SAMD12: variants seen among roughly 807,000 people sequenced by gnomAD.
SAMD12 encodes the protein sterile alpha motif domain containing 12.
SAMD12 carries 9 observed loss-of-function variants against 15.0 expected under a neutral mutation model. The ratio of observed to expected loss-of-function variants is 0.60; its 90% CI spans 0.36 to 1.05. SAMD12 has a LOEUF of 1.05. Ranked by LOEUF, SAMD12 falls within the 50% of genes least tolerant of loss-of-function variation. The pLI, the probability that SAMD12 is intolerant of heterozygous loss-of-function variation, is 0.01. For synonymous variants in SAMD12, 86 were observed against 90.1 expected (o/e 0.96, Z 0.25); for missense variants, 230 against 234.2 (o/e 0.98, Z 0.12).
At chr8:118,567,446 C>T (rs1826881892) in intron 2 of SAMD12, among the ~76,000 whole-genome samples, 1 of 152,162 alleles carries the variant, frequency 6.6e-6, no homozygotes, top group Non-Finnish European at 1.5e-5. Context: ...CCTTCCTCAT[C>T]TATTCAGTAC....
At chr8:118,485,799 T>A (rs950250586) in intron 2 of SAMD12, among the ~76,000 whole-genome samples, 6 of 152,226 alleles carry the variant, frequency 3.9e-5, no homozygotes, top group Non-Finnish European at 8.8e-5. Context: ...TCAATATTGG[T>A]ATGGCAAATC....
chr8:118,579,690 T>C (rs991069695), intron 2 of SAMD12, among the ~76,000 whole-genome samples: 6 of 152,172 alleles, frequency 3.9e-5, no homozygotes, highest in African/African-American at 1.4e-4. Flanking sequence ...TTAAGATTTT[T>C]CTTAGGTGCT....
intron 1 of SAMD12, among the ~76,000 whole-genome samples, chr8:118,604,636 T>A (rs917180900): frequency 2.0e-5 from 3 of 152,084 alleles, no homozygotes; most frequent in African/African-American, 4.8e-5. Flanking sequence ...AGGAATAAAA[T>A]GTCTGCCGGG....
chr8:118,438,811 C>CTA (rs1822650150), intron 3 of SAMD12, among the ~76,000 whole-genome samples: 1 of 152,110 alleles, frequency 6.6e-6, no homozygotes, highest in Non-Finnish European at 1.5e-5. Flanking sequence ...TGACAAGTCA[C>CTA]TTTACCACCA....
chr8:118,473,433 T>A (rs540347489), intron 2 of SAMD12, among the ~76,000 whole-genome samples: 1 of 152,338 alleles, frequency 6.6e-6, no homozygotes, highest in East Asian at 1.9e-4. Flanking sequence ...CAGTCCCTGA[T>A]CCTGTAGTCC....
At chr8:118,543,748 C>G (rs988277662) in intron 2 of SAMD12, among the ~76,000 whole-genome samples, 3 of 151,226 alleles carry the variant, frequency 2.0e-5, no homozygotes, top group Admixed American at 6.6e-5. Flanking sequence ...TTAGATACCC[C>G]TGTCCTTCAC....
At chr8:118,396,665 A>G (rs1167807641) in intron 3 of SAMD12, among the ~76,000 whole-genome samples, 3 of 152,252 alleles carry the variant, frequency 2.0e-5, no homozygotes, top group Non-Finnish European at 2.9e-5. Context: ...AGTAATTGTC[A>G]GAGCAAAGAC....
intron 2 of SAMD12, among the ~76,000 whole-genome samples, chr8:118,556,749 A>G (rs1055505478): frequency 4.6e-5 from 7 of 151,798 alleles, no homozygotes; most frequent in Non-Finnish European, 8.8e-5. Context: ...CGAATCACAA[A>G]TTCAGGAGTT....
chr8:118,553,716 A>G (rs543826437), intron 2 of SAMD12, among the ~76,000 whole-genome samples: 267 of 151,792 alleles, frequency 1.8e-3, no homozygotes, highest in Non-Finnish European at 3.1e-3. Flanking sequence ...TCTGCACAGC[A>G]AAAGAAACTG....
chr8:118,200,460 A>T (rs1819685017), intron 4 of SAMD12, among the ~76,000 whole-genome samples: 1 of 151,976 alleles, frequency 6.6e-6, no homozygotes, highest in African/African-American at 2.4e-5. Context: ...GAGCAACAAG[A>T]TACTCCTGCA....
intron 1 of SAMD12, among the ~76,000 whole-genome samples, chr8:118,618,028 GT>G (rs11308490): frequency 0.81 from 117,945 of 145,382 alleles, 48,139 homozygotes; most frequent in Middle Eastern, 0.9. Context: ...CATTGTTTTT[GT>G]TTTTTTTTTT....
chr8:118,348,696 A>G (rs1295443031), intron 4 of SAMD12, among the ~76,000 whole-genome samples: 1 of 152,230 alleles, frequency 6.6e-6, no homozygotes, highest in African/African-American at 2.4e-5. Context: ...TTAAAAAAGT[A>G]AATGAAGTTA....
downstream of SAMD12, chr8:118,377,961 A>C (rs1441842673): frequency 6.6e-6 from 1 of 152,232 alleles, no homozygotes; most frequent in East Asian, 1.9e-4. Context: ...AAATACAGAA[A>C]AATAAGAATT....
chr8:118,501,982 T>G (rs1403137337), intron 2 of SAMD12, among the ~76,000 whole-genome samples: 6 of 141,246 alleles, frequency 4.2e-5, no homozygotes, highest in Non-Finnish European at 4.5e-5. Flanking sequence ...ATTGCGCCAC[T>G]GCACTCAAGC....
chr8:118,148,338 A>C, the SAMD12 span, among the ~76,000 whole-genome samples: 23 of 152,198 alleles, frequency 1.5e-4, no homozygotes. Flanking sequence ...ATTTTTTAAA[A>C]TTACAAATGA....
intron 2 of SAMD12, among the ~76,000 whole-genome samples, chr8:118,561,807 A>G (rs1337015190): frequency 6.6e-6 from 1 of 152,224 alleles, no homozygotes; most frequent in Non-Finnish European, 1.5e-5. Context: ...TCGTCAATAA[A>G]AAAGAAGCCA....
At position 118,553,270 on chromosome 8, in the gene SAMD12, G is replaced by A. The variant is rs1433266405; in HGVS notation, c.192+27445C>T. On this transcript the variant is annotated intron_variant, in intron 2 of 3. Transcript: ENST00000314727. Reference sequence around the variant, plus strand: ...CAAAGCTGGAGGCATCACGCTACCTGACTTCAAACTATACTACAAGGCTAC... The same window carrying A: ...CAAAGCTGGAGGCATCACGCTACCTAACTTCAAACTATACTACAAGGCTAC... Among the ~76,000 whole-genome samples, 5 of 152,258 alleles carry A rather than the reference G, an allele frequency of 3.3e-5. No homozygotes were observed. In the South Asian group the frequency reaches 8.3e-4, roughly 25 times the overall value.
chr8:118,573,187 C>T lies in SAMD12; in HGVS notation c.192+7528G>A, dbSNP rs180866390. On this transcript the variant is annotated intron_variant, in intron 2 of 3. Transcript: ENST00000314727. ...GCAACCTCCACCTCCTGGGTTCAAG[C>T]GATTCTCCTGCCTCAGCTTCCTGAG... 3.2e-3 allele frequency among the ~76,000 whole-genome samples: 486 copies of T among 152,214 alleles called. 1 individual carries two copies. Among genetic ancestry groups the T allele is most frequent in the Non-Finnish European group, 3.5e-3 (237 of 68,008 alleles).
intron 4 of SAMD12, among the ~76,000 whole-genome samples, chr8:118,252,874 G>T (rs1812852003): frequency 6.6e-6 from 1 of 152,166 alleles, no homozygotes. Context: ...TCCTTTGTAA[G>T]AACCTGGCTT....
Sources: gnomAD v4.1 joint callset for allele counts (sites outside exome capture counted in the v4.1 genomes callset) on GRCh38, gnomAD v4.1.1 for gene constraint, MANE v1.5 for transcripts, NCBI Gene and HGNC (gene_info 2026-07-23, HGNC 2026-07-21) for gene names.